Variants in BLNK observed in about 807,000 individuals in gnomAD.
BLNK encodes the protein B cell linker.
In BLNK, 29 loss-of-function variants were observed where a neutral mutation model predicts 73.5. The ratio of observed to expected loss-of-function variants is 0.39; its 90% CI spans 0.29 to 0.54. The LOEUF (loss-of-function observed/expected upper bound fraction) is 0.54. Ranked by LOEUF, BLNK falls within the 20% of genes least tolerant of loss-of-function variation. BLNK has a pLI of 0.61. For missense variants in BLNK, 460 were observed against 562.8 expected (o/e 0.82, Z 1.85); for synonymous variants, 176 against 200.8 (o/e 0.88, Z 1.04).
chr10:96,257,089 T>G (rs1237352111), intron 1 of BLNK, among the ~76,000 whole-genome samples: 1 of 151,986 alleles, frequency 6.6e-6, no homozygotes, highest in Non-Finnish European at 1.5e-5. Context: ...GAACAGCAAG[T>G]GCAAAGGCTC....
chr10:96,202,443 G>C (rs2083670397), intron 13 of BLNK, among the ~76,000 whole-genome samples: 1 of 152,178 alleles, frequency 6.6e-6, no homozygotes, highest in African/African-American at 2.4e-5. Context: ...GAAGGTGTGT[G>C]AAGAAAGCAA....
At chr10:96,222,305 TA>T (rs2134016489) in intron 6 of BLNK, among the ~76,000 whole-genome samples, 1 of 152,322 alleles carries the variant, frequency 6.6e-6, no homozygotes, top group Admixed American at 6.5e-5. Context: ...CTGCAAATTT[TA>T]TAAAGGCGGA....
intron 15 of BLNK, among the ~76,000 whole-genome samples, chr10:96,199,735 C>T (rs147819828): frequency 1.3e-3 from 203 of 152,264 alleles, no homozygotes; most frequent in African/African-American, 4.6e-3. Context: ...ATGATCAGAC[C>T]TTGGCCGGGC....
chr10:96,203,084 T>C (rs1156825319), intron 13 of BLNK, among the ~76,000 whole-genome samples: 1 of 152,224 alleles, frequency 6.6e-6, no homozygotes, highest in Non-Finnish European at 1.5e-5. Flanking sequence ...CAGTAGAATA[T>C]AAGTTTCATG....
rs1023951811 is a variant in BLNK, at chr10:96,215,170, C to T, written c.676+151G>A. ...CTGGGGAAATGGCCACTTCCACACA[C>T]GTGCCACCAGACAGTGCATGAGGAT... On this transcript the variant is annotated intron_variant, in intron 8 of 16. Transcript: ENST00000224337. 4.7e-5 allele frequency: 41 copies of T among 867,518 alleles called. No homozygotes were observed. In the African/African-American group the frequency reaches 5.5e-4, roughly 12 times the overall value. The allele number at this position is 867,518 out of a possible 1,614,324, so 53.7% of individuals were successfully genotyped here.
intron 1 of BLNK, among the ~76,000 whole-genome samples, chr10:96,259,819 G>A (rs1843676402): frequency 6.6e-6 from 1 of 151,552 alleles, no homozygotes; most frequent in South Asian, 2.1e-4. Flanking sequence ...CAGGAGTAGG[G>A]ATGATTCTAC....
rs2083311154 is a variant in BLNK at position 96,190,457 on chromosome 10, A to C, written c.*1516T>G. 6.6e-6 allele frequency among the ~76,000 whole-genome samples: 1 copy of C among 152,228 alleles called. No individual in the cohort carries two copies. The highest frequency in any genetic ancestry group is 2.4e-5 in the African/African-American group (1 of 41,456). On this transcript the variant is annotated 3_prime_UTR_variant, in exon 17 of 17. Coordinates refer to ENST00000224337, the MANE Select transcript of BLNK (RefSeq NM_013314.4). Reference sequence around the variant, plus strand: ...CCTTGACTATATCTGTAAAGACCTCATTCCCAAATAAGGTCACATTCTGAG... The same window carrying C: ...CCTTGACTATATCTGTAAAGACCTCCTTCCCAAATAAGGTCACATTCTGAG...
intron 5 of BLNK, among the ~76,000 whole-genome samples, chr10:96,224,321 G>A (rs1264447545): frequency 1.3e-5 from 2 of 152,236 alleles, no homozygotes; most frequent in Non-Finnish European, 2.9e-5. Context: ...GTGGGGGTGA[G>A]GTGCTCCTGG....
At position 96,225,101 on chromosome 10, in the gene BLNK, A is replaced by G. The variant is rs1360638158; in HGVS notation, c.362-1112T>C. ...GCAGTAGGTACAGTGTGTCTGCCTA[A>G]TAAGTAGAACTTATATCACCTGTGC... On this transcript the variant is annotated intron_variant, in intron 5 of 16. Coordinates refer to ENST00000224337, the MANE Select transcript of BLNK (RefSeq NM_013314.4). 3.9e-5 allele frequency among the ~76,000 whole-genome samples: 6 copies of G among 152,232 alleles called. No individual in the cohort carries two copies. In the East Asian group the frequency reaches 7.7e-4, roughly 19 times the overall value.
intron 4 of BLNK, among the ~76,000 whole-genome samples, chr10:96,229,778 A>G (rs1842428203): frequency 6.6e-6 from 1 of 151,960 alleles, no homozygotes; most frequent in African/African-American, 2.4e-5. Flanking sequence ...GAGGAGCTCC[A>G]TGACCAAGAG....
At chr10:96,213,931 G>A (rs1355909704) in intron 8 of BLNK, among the ~76,000 whole-genome samples, 1 of 152,206 alleles carries the variant, frequency 6.6e-6, no homozygotes, top group Non-Finnish European at 1.5e-5. Flanking sequence ...CACTTATAAA[G>A]CGCTTGTGGG....
chr10:96,263,812 C>T (rs183557354), intron 1 of BLNK, among the ~76,000 whole-genome samples: 12 of 152,216 alleles, frequency 7.9e-5, no homozygotes, highest in African/African-American at 2.9e-4. Context: ...GAGGAGCAAC[C>T]TCCTGAGAGA....
At chr10:96,248,709 T>C (rs1554908334) in intron 1 of BLNK, among the ~76,000 whole-genome samples, 1 of 152,016 alleles carries the variant, frequency 6.6e-6, no homozygotes, top group South Asian at 2.1e-4. Context: ...CAACCATAAC[T>C]CTGAAAACAA....
intron 11 of BLNK, among the ~76,000 whole-genome samples, chr10:96,205,763 TG>T (rs1219432364): frequency 6.6e-6 from 1 of 152,184 alleles, no homozygotes; most frequent in Non-Finnish European, 1.5e-5. Context: ...GGAGGGGGCA[TG>T]CCTGGCAGGC....
chr10:96,235,435 C>T (rs187640511), intron 3 of BLNK, among the ~76,000 whole-genome samples: 11 of 152,328 alleles, frequency 7.2e-5, no homozygotes, highest in Admixed American at 5.2e-4. Context: ...CAAGTTCACA[C>T]AGTGCTTAGG....
chr10:96,224,492 A>G (rs2084274283), intron 5 of BLNK, among the ~76,000 whole-genome samples: 1 of 152,152 alleles, frequency 6.6e-6, no homozygotes. Context: ...TCCTTCCCTC[A>G]GTGATTTCGC....
intron 3 of BLNK, among the ~76,000 whole-genome samples, chr10:96,234,821 G>T (rs1554904767): frequency 6.6e-6 from 1 of 152,210 alleles, no homozygotes; most frequent in Non-Finnish European, 1.5e-5. Context: ...CTCTATTGTA[G>T]TGAGTAAAAT....
chr10:96,206,117 C>CAG (rs1830215635), intron 11 of BLNK, among the ~76,000 whole-genome samples: 1 of 152,100 alleles, frequency 6.6e-6, no homozygotes, highest in Admixed American at 6.5e-5. Flanking sequence ...GTCATTAAAG[C>CAG]AGAGAGGTGA....
At chr10:96,210,283 C>G (rs1409670382) in intron 8 of BLNK, 1 of 340,010 alleles carries the variant, frequency 2.9e-6, no homozygotes, top group East Asian at 7.2e-5. Flanking sequence ...ACACCTACAT[C>G]TGTGCACACT....
Sources: allele counts gnomAD v4.1 joint callset (sites outside exome capture counted in the v4.1 genomes callset), GRCh38; gene constraint gnomAD v4.1.1; transcripts MANE v1.5; gene names NCBI Gene and HGNC (gene_info 2026-07-23, HGNC 2026-07-21).